Variants in AFF3 observed in about 807,000 individuals in gnomAD.
AFF3 encodes the protein AF4/FMR2 family member 3.
Under a neutral mutation model 129.7 loss-of-function variants are expected in AFF3, and 32 were observed. The observed-to-expected ratio is 0.25, with a 90% CI of 0.19 to 0.33. The LOEUF (loss-of-function observed/expected upper bound fraction) is 0.33, where lower values mean the gene tolerates loss of function less well. Among genes scored for constraint, AFF3 ranks in the 10% least tolerant of loss-of-function variants. AFF3 has a pLI of 1.00. For synonymous variants in AFF3, 644 were observed against 635.4 expected, an observed-to-expected ratio of 1.01 and a Z score of -0.20; for missense variants, 1,373 against 1,592.0, an observed-to-expected ratio of 0.86 and a Z score of 2.34.
chr2:100,131,987 C>T (rs1692445039), intron 1 of AFF3, among the ~76,000 whole-genome samples: 1 of 152,102 alleles, frequency 6.6e-6, no homozygotes, highest in Admixed American at 6.6e-5. Flanking sequence ...GTACATTGCT[C>T]CCAGCTCCGA....
chr2:99,678,279 T>C (rs1674195381), intron 11 of AFF3, among the ~76,000 whole-genome samples: 1 of 152,218 alleles, frequency 6.6e-6, no homozygotes, highest in Non-Finnish European at 1.5e-5. Context: ...CCTGTGTGTA[T>C]TGTTTTCTTA....
intron 8 of AFF3, among the ~76,000 whole-genome samples, chr2:99,836,466 C>T (rs1346620): frequency 0.63 from 95,208 of 151,916 alleles, 30,965 homozygotes; most frequent in South Asian, 0.79. Context: ...CTCTATAAAT[C>T]TCTGCCAGAA....
rs1304507749 is a variant in AFF3 at position 100,002,449 on chromosome 2, G to A, written c.873+4183C>T. The stretch of plus-strand genomic sequence containing the variant: ...ATGGCATAAACGGCAATTTTAAAAT[G>A]CCCTTCATGAAAATTCTATGATTAA... On this transcript the variant is annotated intron_variant, in intron 7 of 24. Coordinates refer to ENST00000672756, the MANE Select transcript of AFF3 (RefSeq NM_001386135.1). Among the ~76,000 whole-genome samples, 3 of 152,232 alleles carry A rather than the reference G, an allele frequency of 2.0e-5. No homozygotes were observed. In the East Asian group the frequency reaches 5.8e-4, roughly 29 times the overall value.
chr2:100,034,533 C>CT lies in AFF3; in HGVS notation c.54-25602dup, dbSNP rs576482125. 2.6e-3 allele frequency among the ~76,000 whole-genome samples: 387 copies of CT among 146,082 alleles called. 1 individual carries two copies. The highest frequency in any genetic ancestry group is 0.011 in the South Asian group (52 of 4,604). ...GAAGTCCATAAAAACCTAATTTTCC[C>CT]TTTTTTTTTTTAATCTGCAAAAACT... On this transcript the variant is annotated intron_variant, in intron 4 of 24. Transcript: ENST00000672756.
At chr2:99,646,575 T>C (rs573273753) in intron 13 of AFF3, among the ~76,000 whole-genome samples, 2 of 152,306 alleles carry the variant, frequency 1.3e-5, no homozygotes, top group East Asian at 3.9e-4. Context: ...AGGCTCCAAG[T>C]AGCCAGAGAT....
At chr2:99,690,717 G>GA (rs764130668) in intron 11 of AFF3, among the ~76,000 whole-genome samples, 4 of 151,296 alleles carry the variant, frequency 2.6e-5, no homozygotes, top group Non-Finnish European at 5.9e-5. Flanking sequence ...GCTTCTCCCA[G>GA]AAAAAATCAG....
intron 2 of AFF3, among the ~76,000 whole-genome samples, chr2:100,119,958 C>T (rs1282713231): frequency 6.6e-6 from 1 of 152,198 alleles, no homozygotes; most frequent in African/African-American, 2.4e-5. Context: ...TAAAGACTAT[C>T]CTGATGGGGA....
At chr2:99,672,421 C>T (rs1687246774) in intron 12 of AFF3, 117 bp downstream of exon 12, 1 of 920,320 alleles carries the variant, frequency 1.1e-6, no homozygotes, top group East Asian at 2.4e-5. Flanking sequence ...ACTTAGCAGA[C>T]AAAAGACCAG....
chr2:99,599,538 G>C (rs1338771230), intron 14 of AFF3, among the ~76,000 whole-genome samples: 1 of 152,222 alleles, frequency 6.6e-6, no homozygotes. Context: ...TTACAGGCAT[G>C]AGCCACTGCG....
chr2:99,991,591 C>T (rs1319802970), intron 7 of AFF3, among the ~76,000 whole-genome samples: 1 of 152,096 alleles, frequency 6.6e-6, no homozygotes, highest in Non-Finnish European at 1.5e-5. Flanking sequence ...CTGTTTTTAA[C>T]TAAAACCTTC....
intron 8 of AFF3, among the ~76,000 whole-genome samples, chr2:99,820,156 C>T (rs748696606): frequency 3.9e-5 from 6 of 152,078 alleles, no homozygotes; most frequent in Non-Finnish European, 8.8e-5. Flanking sequence ...TGGGTGAATT[C>T]GTCGTTGTGC....
At position 99,848,050 on chromosome 2, in the gene AFF3, C is replaced by T. The variant is rs189011534; in HGVS notation, c.874-10526G>A. 5.5e-3 allele frequency among the ~76,000 whole-genome samples: 830 copies of T among 152,010 alleles called. 5 individuals carry two copies. The highest frequency in any genetic ancestry group is 9.4e-3 in the Non-Finnish European group (640 of 67,972). On this transcript the variant is annotated intron_variant, in intron 7 of 24. Transcript: ENST00000672756. ...TAATCCTGGCACTTCAGGAGGCCAA[C>T]GTGGGGGGATCACCTGAGGTCAGGA...
At chr2:100,119,957 T>C (rs1343077701) in intron 2 of AFF3, among the ~76,000 whole-genome samples, 1 of 152,224 alleles carries the variant, frequency 6.6e-6, no homozygotes, top group South Asian at 2.1e-4. Context: ...CTAAAGACTA[T>C]CCTGATGGGG....
intron 13 of AFF3, among the ~76,000 whole-genome samples, chr2:99,633,948 T>G (rs1318289092): frequency 7.3e-6 from 1 of 136,792 alleles, no homozygotes; most frequent in Non-Finnish European, 1.5e-5. Flanking sequence ...GGAGTCTCGC[T>G]CTGTCACCCA....
chr2:99,564,862 G>A (rs1251668249), intron 20 of AFF3, among the ~76,000 whole-genome samples: 1 of 152,160 alleles, frequency 6.6e-6, no homozygotes, highest in Admixed American at 6.6e-5. Flanking sequence ...TACTATGAAG[G>A]TTCTCAGTAG....
chr2:99,852,215 C>G (rs973786597), intron 7 of AFF3, among the ~76,000 whole-genome samples: 1 of 152,148 alleles, frequency 6.6e-6, no homozygotes, highest in African/African-American at 2.4e-5. Context: ...TCAATACAGC[C>G]TCTCCTGCTT....
chr2:100,110,103 A>G (rs1230202858), intron 2 of AFF3: 6 of 152,200 alleles, frequency 3.9e-5, no homozygotes, highest in African/African-American at 9.7e-5. Context: ...CCTTTGCAAC[A>G]TGAGAAGGCT....
chr2:99,672,195 C>T lies in AFF3; in HGVS notation c.1143+343G>A, dbSNP rs1385813139. ...TTAGCTTCTCACACACACACACACA[C>T]ACACACACACACACACACACACACA... is the stretch of plus-strand genomic sequence containing the variant. On this transcript the variant is annotated intron_variant, in intron 12 of 24. Transcript: ENST00000672756. Among the ~76,000 whole-genome samples the T allele has an allele frequency of 1.2e-3, 33 of 28,044 alleles. 2 individuals carry two copies. In the African/African-American group the frequency reaches 0.012, roughly 11 times the overall value. The allele number at this position is 28,044 out of a possible 152,430, so 18.4% of individuals were successfully genotyped here.
chr2:100,005,054 G>T (rs2104718946), intron 7 of AFF3, among the ~76,000 whole-genome samples: 1 of 152,230 alleles, frequency 6.6e-6, no homozygotes, highest in African/African-American at 2.4e-5. Flanking sequence ...ATTTCTCTCA[G>T]CGTGAGTCTC....
Sources: allele counts gnomAD v4.1 joint callset (sites outside exome capture counted in the v4.1 genomes callset), GRCh38; gene constraint gnomAD v4.1.1; transcripts MANE v1.5; gene names NCBI Gene and HGNC (gene_info 2026-07-23, HGNC 2026-07-21).